Variants in GRB10 observed in about 807,000 individuals in gnomAD.
GRB10 encodes growth factor receptor-bound protein 10.
In GRB10, 20 loss-of-function variants were observed where a neutral mutation model predicts 80.9. The ratio of observed to expected loss-of-function variants is 0.25; its 90% confidence interval spans 0.17 to 0.36. The LOEUF (loss-of-function observed/expected upper bound fraction) is 0.36. Among genes scored for constraint, GRB10 ranks in the 10% least tolerant of loss-of-function variants. The probability of loss-of-function intolerance (pLI) is 1.00; values close to 1 mark genes in which losing one functional copy is unlikely to be tolerated. For synonymous variants in GRB10, 291 were observed against 291.5 expected (o/e 1.00, Z 0.02); for missense variants, 548 against 747.7 (o/e 0.73, Z 3.12).
At chr7:50,605,174 C>A (rs1245406830) in intron 15 of GRB10, 116 bp downstream of exon 15, 1 of 688,746 alleles carries the variant, frequency 1.5e-6, no homozygotes, top group Admixed American at 2.4e-5. Context: ...CTCACCCCAC[C>A]CAACATGGCA....
chr7:50,791,684 C>T (rs2078921442), intron 1 of GRB10, among the ~76,000 whole-genome samples: 1 of 152,194 alleles, frequency 6.6e-6, no homozygotes, highest in Admixed American at 6.5e-5. Flanking sequence ...GCCTGCTGGG[C>T]GTGTAACTCT....
At chr7:50,788,518 C>T (rs2078787728) in intron 1 of GRB10, among the ~76,000 whole-genome samples, 1 of 152,144 alleles carries the variant, frequency 6.6e-6, no homozygotes, top group African/African-American at 2.4e-5. Context: ...GCCACCTGCA[C>T]TGACCCAGCA....
At chr7:50,669,942 A>G (rs1373611791) in intron 6 of GRB10, 79 bp from the exon 7 acceptor site, 2 of 1,510,500 alleles carry the variant, frequency 1.3e-6, no homozygotes, top group African/African-American at 2.8e-5. Context: ...TGATACACCC[A>G]GAAAGCAGGA....
chr7:50,711,728 A>G (rs569845352), intron 4 of GRB10, among the ~76,000 whole-genome samples: 1 of 152,272 alleles, frequency 6.6e-6, no homozygotes, highest in Admixed American at 6.5e-5. Flanking sequence ...GATACAGTGT[A>G]GTTACAGATT....
intron 7 of GRB10, among the ~76,000 whole-genome samples, chr7:50,649,287 G>A (rs1012377209): frequency 2.6e-5 from 4 of 152,220 alleles, no homozygotes; most frequent in African/African-American, 9.6e-5. Flanking sequence ...GAGGGAGGCT[G>A]GCCAGGGGCA....
At chr7:50,750,680 G>A (rs1562607963) in intron 3 of GRB10, among the ~76,000 whole-genome samples, 1 of 152,202 alleles carries the variant, frequency 6.6e-6, no homozygotes, top group Non-Finnish European at 1.5e-5. Context: ...AAGTCAAACA[G>A]CCTGTTGTCA....
At chr7:50,604,700 C>T (rs2048220337) in intron 15 of GRB10, among the ~76,000 whole-genome samples, 1 of 152,232 alleles carries the variant, frequency 6.6e-6, no homozygotes. Context: ...TAAACTCACG[C>T]AGTTCTCAAA....
Position 50,605,423 on chromosome 7 carries a change from G to A in GRB10, c.1273-17C>T, listed in dbSNP as rs764230751. On this transcript the variant is annotated splice_polypyrimidine_tract_variant and intron_variant, in intron 14 of 18. Transcript: ENST00000401949. Reference sequence around the variant, plus strand: ...GACACTGCGCTGAAAAGGAAAGGCCGCAGTTCTTAAAATGCAGGGAAATAA... The same window carrying A: ...GACACTGCGCTGAAAAGGAAAGGCCACAGTTCTTAAAATGCAGGGAAATAA... 23 of 1,589,542 alleles carry A rather than the reference G, an allele frequency of 1.4e-5. No homozygotes were observed. The Middle Eastern group carries it at 6.6e-4, about 46-fold the overall frequency.
intron 7 of GRB10, among the ~76,000 whole-genome samples, chr7:50,650,898 G>T (rs764130669): frequency 3.9e-5 from 6 of 152,166 alleles, no homozygotes; most frequent in Non-Finnish European, 4.4e-5. Flanking sequence ...TTTTCTTACT[G>T]ATTTATAAGA....
intron 7 of GRB10, among the ~76,000 whole-genome samples, chr7:50,654,925 A>C (rs1014738055): frequency 1.1e-4 from 17 of 152,238 alleles, no homozygotes; most frequent in Admixed American, 8.5e-4. Context: ...GACCTCATCC[A>C]AATTTAGCCA....
Position 50,720,444 on chromosome 7 carries a change from A to T in GRB10, c.51+11828T>A, listed in dbSNP as rs565864421. Among the ~76,000 whole-genome samples the T allele has an allele frequency of 3.5e-4, 53 of 152,172 alleles. 1 individual carries two copies. In the South Asian group the frequency reaches 0.011, roughly 31 times the overall value. On this transcript the variant is annotated intron_variant, in intron 4 of 18. Transcript: ENST00000401949. ...TACCTAAGTGACCCCCTTTGTCGAG[A>T]CTCATAACCGGTGGCAGCAAACACA...
chr7:50,637,355 T>C (rs1308079174), intron 7 of GRB10, among the ~76,000 whole-genome samples: 1 of 152,168 alleles, frequency 6.6e-6, no homozygotes, highest in Non-Finnish European at 1.5e-5. Context: ...AAAATCAGCA[T>C]ATAAAAATCA....
chr7:50,739,635 CCTA>C (rs1264419711), intron 3 of GRB10, among the ~76,000 whole-genome samples: 3 of 152,226 alleles, frequency 2.0e-5, no homozygotes, highest in South Asian at 2.1e-4. Context: ...CTTTTCATGA[CCTA>C]CTAACTTGAT....
At chr7:50,735,811 A>G (rs1447889234) in intron 3 of GRB10, among the ~76,000 whole-genome samples, 1 of 152,192 alleles carries the variant, frequency 6.6e-6, no homozygotes, top group Non-Finnish European at 1.5e-5. Flanking sequence ...CGTTTATATA[A>G]TATTGTGATA....
chr7:50,631,793 C>T (rs920957275), intron 7 of GRB10, among the ~76,000 whole-genome samples: 2 of 152,246 alleles, frequency 1.3e-5, no homozygotes, highest in African/African-American at 4.8e-5. Flanking sequence ...GAAGCCTTAA[C>T]TCCACGCACA....
At position 50,700,215 on chromosome 7, in the gene GRB10, G is replaced by A. The variant is rs185810714; in HGVS notation, c.139+3606C>T. On this transcript the variant is annotated intron_variant, in intron 5 of 18. Transcript: ENST00000401949. ...GCAAACCACTTGAGTATTTTTGAAG[G>A]TATAGTATTGATTACAATTTCTTCC... is the stretch of plus-strand genomic sequence containing the variant. Among the ~76,000 whole-genome samples, 10 of 152,212 alleles carry A rather than the reference G, an allele frequency of 6.6e-5. No homozygotes were observed. In the South Asian group the frequency reaches 8.3e-4, roughly 13 times the overall value.
At chr7:50,739,798 C>T (rs1259847091) in intron 3 of GRB10, among the ~76,000 whole-genome samples, 1 of 152,212 alleles carries the variant, frequency 6.6e-6, no homozygotes, top group Admixed American at 6.5e-5. Flanking sequence ...CATCCAAGTG[C>T]TGTCCAGGGC....
Position 50,659,299 on chromosome 7 carries a change from T to C in GRB10, c.504+10423A>G, listed in dbSNP as rs573048506. ...CTCAGGACAACTCAGGTAACTGGCA[T>C]TCTAGAAAATGAGAGGTAAAAAACG... On this transcript the variant is annotated intron_variant, in intron 7 of 18. Coordinates refer to ENST00000401949, the MANE Select transcript of GRB10 (RefSeq NM_001350814.2). Among the ~76,000 whole-genome samples, 5 of 152,184 alleles carry C rather than the reference T, an allele frequency of 3.3e-5. No individual in the cohort carries two copies. In the South Asian group the frequency reaches 6.2e-4, roughly 19 times the overall value.
intron 4 of GRB10, among the ~76,000 whole-genome samples, chr7:50,708,243 C>T (rs1289884723): frequency 6.6e-6 from 1 of 152,182 alleles, no homozygotes; most frequent in Non-Finnish European, 1.5e-5. Flanking sequence ...CAACAAGTGG[C>T]TCATTTGTTT....
Sources: allele counts gnomAD v4.1 joint callset (sites outside exome capture counted in the v4.1 genomes callset), GRCh38; gene constraint gnomAD v4.1.1; transcripts MANE v1.5; gene names NCBI Gene and HGNC (gene_info 2026-07-23, HGNC 2026-07-21).